IGSF9B: variants seen among roughly 807,000 people sequenced by gnomAD.
IGSF9B encodes protein turtle homolog B.
A neutral mutation model predicts 143.7 loss-of-function variants in IGSF9B; 48 were observed. That is an observed-to-expected ratio of 0.33 (90% CI 0.26 to 0.42). The LOEUF is 0.42. IGSF9B is among the 20% of genes least tolerant of loss of function. The pLI is 1.00. For missense variants in IGSF9B, 1,706 were observed against 1,980.0 expected, an observed-to-expected ratio of 0.86 and a Z score of 2.63; for synonymous variants, 903 against 833.1, an observed-to-expected ratio of 1.08 and a Z score of -1.44.
rs1206395645 is a variant in IGSF9B, at chr11:133,901,816, C to T, written c.*7253G>A. On this transcript the variant is annotated 3_prime_UTR_variant, in exon 20 of 20. Transcript: ENST00000533871. ...CACACACCACACACAACAGACACACCACACCACACACACAAACACACACAC... is the reference window on the plus strand; with the variant it reads ...CACACACCACACACAACAGACACACTACACCACACACACAAACACACACAC... Among the ~76,000 whole-genome samples the T allele has an allele frequency of 3.4e-5, 5 of 148,792 alleles. No homozygotes were observed. The highest frequency in any genetic ancestry group is 9.9e-5 in the African/African-American group (4 of 40,466).
chr11:133,954,348 C>T (rs549728343), intron 1 of IGSF9B, among the ~76,000 whole-genome samples: 1 of 152,146 alleles, frequency 6.6e-6, no homozygotes, highest in South Asian at 2.1e-4. Context: ...ACACGTGTCC[C>T]TGGGATGCCA....
chr11:133,949,348 G>A (rs979318689), intron 1 of IGSF9B, among the ~76,000 whole-genome samples: 3 of 152,104 alleles, frequency 2.0e-5, no homozygotes, highest in Non-Finnish European at 2.9e-5. Context: ...ACACACGCAC[G>A]GCATATTCTC....
rs370351227 is a variant in IGSF9B, at chr11:133,946,203, G to A, written c.120C>T (p.Ser40=). The change falls in exon 2 of 20, where the codon AGC becomes AGT. Residue 40 remains serine, a synonymous_variant. Coordinates refer to ENST00000533871, the MANE Select transcript of IGSF9B (RefSeq NM_001277285.4). ...GGATCACGTCGCATCGCAGGACCAC[G>A]CTCTCCCCAGCTCTTGCCGTCACAA... ...PEFVTARAGE[S]VVLRCDVIHP... is the part of the protein sequence containing the mutation. 3.2e-5 allele frequency: 51 copies of A among 1,613,466 alleles called. No homozygotes were observed. Among genetic ancestry groups the A allele is most frequent in the East Asian group, 1.3e-4 (6 of 44,856 alleles).
rs372650127 is a variant in IGSF9B, at chr11:133,921,346, C to T, written c.2379G>A (p.Pro793=). 388 of 1,582,190 alleles carry T rather than the reference C, an allele frequency of 2.5e-4. No individual in the cohort carries two copies. In the African/African-American group the frequency reaches 3.5e-3, roughly 14 times the overall value. ...GGCCCTGGTCGTCGGAGGATTCTGACGGCGCTCGGAGCGTGCGGATGCTCT... is the reference window on the plus strand; with the variant it reads ...GGCCCTGGTCGTCGGAGGATTCTGATGGCGCTCGGAGCGTGCGGATGCTCT... ...SPESIRTLRA[P]SESSDDQGQP... The change falls in exon 18 of 20, where the codon CCG becomes CCA. Residue 793 remains proline, a synonymous_variant. Transcript: ENST00000533871.
chr11:133,921,271 C>T lies in IGSF9B; in HGVS notation c.2454G>A (p.Ser818=), dbSNP rs150544201. ...TGGCCCGCTTGGTCTTCTTGTACAG[C>T]GACAGCTCCTTCTCACGGGTGGGGC... The part of the protein sequence containing the change: ...MLSPTREKEL[S]LYKKTKRAIS... Residue 818 remains serine, a synonymous_variant, in exon 18 of 20, where the codon TCG becomes TCA. Transcript: ENST00000533871. The T allele has an allele frequency of 6.2e-3, 9,981 of 1,611,166 alleles. 42 individuals are homozygous for T. Among genetic ancestry groups the T allele is most frequent in the Non-Finnish European group, 7.5e-3 (8,878 of 1,179,060 alleles).
Position 133,952,534 on chromosome 11 carries a change from C to T in IGSF9B, c.64+4157G>A, listed in dbSNP as rs142523231. ...CTTCCCCACCCTGCCACTCCACGCA[C>T]GTGCACACAAACACACAGGCACTCA... On this transcript the variant is annotated intron_variant, in intron 1 of 19. Transcript: ENST00000533871. Among the ~76,000 whole-genome samples, 96 of 152,352 alleles carry T rather than the reference C, an allele frequency of 6.3e-4. 1 individual carries two copies. The East Asian group carries it at 0.014, about 22-fold the overall frequency.
At chr11:133,952,064 G>C (rs921169986) in intron 1 of IGSF9B, 1 of 455,796 alleles carries the variant, frequency 2.2e-6, no homozygotes, top group East Asian at 7.0e-5. Context: ...AGAAAGGACA[G>C]TCAGGCCGGC....
chr11:133,943,683 C>T (rs1939992929), intron 3 of IGSF9B, among the ~76,000 whole-genome samples: 1 of 152,260 alleles, frequency 6.6e-6, no homozygotes, highest in Admixed American at 6.5e-5. Flanking sequence ...CCCGCACAGG[C>T]AGGGACTGGG....
At chr11:133,929,127 T>C (rs1591716336) in intron 12 of IGSF9B, among the ~76,000 whole-genome samples, 1 of 152,328 alleles carries the variant, frequency 6.6e-6, no homozygotes, top group East Asian at 1.9e-4. Flanking sequence ...AATTGGATTG[T>C]TGGAACACAA....
chr11:133,919,931 C>T lies in IGSF9B; in HGVS notation c.3794G>A (p.Gly1265Glu), dbSNP rs781022196. ...CATGGCGGGCCGGTAGCTGGGACTC[C>T]CACTGCGGCTGCTCTGGGAGGGGGA... Reference protein sequence around the residue: ...TGSPSQSSRSGSPSYRPAMGF... With the variant: ...TGSPSQSSRSESPSYRPAMGF... Residue 1265 changes from glycine (G) to glutamate (E), a missense_variant, in exon 18 of 20, where the codon GGG (glycine) becomes GAG (glutamate). Physicochemically the swap from Gly to Glu is moderately conservative, Grantham distance 98. Coordinates refer to ENST00000533871, the MANE Select transcript of IGSF9B (RefSeq NM_001277285.4). 1.3e-6 allele frequency: 2 copies of T among 1,555,974 alleles called. No individual in the cohort carries two copies. Among genetic ancestry groups the T allele is most frequent in the East Asian group, 2.3e-5 (1 of 44,022 alleles).
chr11:133,931,244 C>T lies in IGSF9B; in HGVS notation c.1369-110G>A. 8.5e-7 allele frequency: 1 copy of T among 1,171,136 alleles called. No individual in the cohort carries two copies. The highest frequency in any genetic ancestry group is 1.2e-6 in the Non-Finnish European group (1 of 816,856). 72.5% of individuals were successfully genotyped at this position (1,171,136 alleles called of 1,614,324 possible). A position where few individuals can be genotyped will look rare whatever the true frequency, so the allele number is the denominator to read the frequency against. On this transcript the variant is annotated intron_variant, in intron 10 of 19. Coordinates refer to ENST00000533871, the MANE Select transcript of IGSF9B (RefSeq NM_001277285.4). The surrounding 1 kb of genome is among the most constrained non-coding windows in gnomAD (Gnocchi z 7.7). ...TGAGACCCCGGCCCGCCCACGCTGC[C>T]CTCCTCCCGAGTGCCTGCCGCTCTT...
intron 2 of IGSF9B, among the ~76,000 whole-genome samples, chr11:133,944,574 G>A (rs922639523): frequency 8.5e-5 from 13 of 152,120 alleles, no homozygotes; most frequent in East Asian, 5.8e-4. Flanking sequence ...CCACTCTCCC[G>A]CCCCAGCTGG....
intron 3 of IGSF9B, among the ~76,000 whole-genome samples, chr11:133,940,386 GCGT>G (rs1281909085): frequency 7.2e-6 from 1 of 138,424 alleles, no homozygotes; most frequent in Admixed American, 7.4e-5. Flanking sequence ...GTCCTCGCAT[GCGT>G]CATCGCATGC....
intron 1 of IGSF9B, among the ~76,000 whole-genome samples, chr11:133,952,702 TAC>T (rs1421378635): frequency 2.0e-5 from 3 of 152,070 alleles, no homozygotes; most frequent in Admixed American, 6.5e-5. Flanking sequence ...CCAGCATGCA[TAC>T]ACACAGGGGC....
At chr11:133,936,019 C>T in intron 6 of IGSF9B, 34 bp downstream of exon 6, 1 of 1,607,352 alleles carries the variant, frequency 6.2e-7, no homozygotes, top group Non-Finnish European at 8.5e-7. Flanking sequence ...GCTGGGGTGG[C>T]AACCTCATTG....
chr11:133,912,874 G>A (rs1231413578), intron 18 of IGSF9B, among the ~76,000 whole-genome samples: 1 of 152,182 alleles, frequency 6.6e-6, no homozygotes, highest in Non-Finnish European at 1.5e-5. Flanking sequence ...TGCCCGGTTA[G>A]GACAGGGTCC....
In IGSF9B at chr11:133,903,083, TC is replaced by T. The variant is rs755900239; in HGVS notation, c.*5985del. ...TCGTAAACCACGCACATGTTCACGA[TC>T]CCTGGAGCCATACAGAAGTGGGGAA... On this transcript the variant is annotated 3_prime_UTR_variant, in exon 20 of 20. Coordinates refer to ENST00000533871, the MANE Select transcript of IGSF9B (RefSeq NM_001277285.4). 1.6e-4 allele frequency among the ~76,000 whole-genome samples: 24 copies of T among 149,952 alleles called. No individual in the cohort carries two copies. The highest frequency in any genetic ancestry group is 3.2e-4 in the Non-Finnish European group (22 of 67,724).
rs372566470 is a variant in IGSF9B, at chr11:133,937,849, G to A, written c.522C>T (p.Leu174=). 3 of 1,611,000 alleles carry A rather than the reference G, an allele frequency of 1.9e-6. No individual in the cohort carries two copies. Among genetic ancestry groups the A allele is most frequent in the Non-Finnish European group, 2.5e-6 (3 of 1,178,520 alleles). Residue 174 remains leucine, a synonymous_variant, in exon 4 of 20, where the codon CTC becomes CTT. Coordinates refer to ENST00000533871, the MANE Select transcript of IGSF9B (RefSeq NM_001277285.4). ...FGNPKPIVTW[L]KEGTLLGASG... ...TAGCACCGAGGAGCGTCCCCTCCTT[G>A]AGCCAGGTGACAATGGGCTTGGGGT...
Position 133,905,394 on chromosome 11 carries a change from T to C in IGSF9B, c.*3675A>G, listed in dbSNP as rs1007335714. On this transcript the variant is annotated 3_prime_UTR_variant, in exon 20 of 20. Coordinates refer to ENST00000533871, the MANE Select transcript of IGSF9B (RefSeq NM_001277285.4). This position sits in a 1 kb window ranked among gnomAD's most constrained non-coding sequence, Gnocchi z 4.0. ...CTGTTTCTCCCTAGAAGCTACTGTT[T>C]CGTCAACCTTGTCCCCCACCCCAAA... Among the ~76,000 whole-genome samples the C allele has an allele frequency of 6.6e-6, 1 of 151,956 alleles. No homozygotes were observed. The highest frequency in any genetic ancestry group is 2.4e-5 in the African/African-American group (1 of 41,372).
Sources: gnomAD v4.1 joint callset for allele counts (sites outside exome capture counted in the v4.1 genomes callset) on GRCh38, gnomAD v4.1.1 for gene constraint, Gnocchi (gnomAD v3.1) non-coding constraint, MANE v1.5 for transcripts, NCBI Gene and HGNC (gene_info 2026-07-23, HGNC 2026-07-21) for gene names.